FAM13A: variants seen among roughly 807,000 people sequenced by gnomAD.
The protein encoded by FAM13A is protein FAM13A.
A neutral mutation model predicts 129.6 loss-of-function variants in FAM13A; 76 were observed. That is an observed-to-expected ratio of 0.59 (90% CI 0.49 to 0.71). The LOEUF is 0.71. FAM13A is among the 30% of genes least tolerant of loss of function. The pLI is 0.00. For missense variants in FAM13A, 1,108 were observed against 1,249.3 expected, an observed-to-expected ratio of 0.89 and a Z score of 1.70; for synonymous variants, 443 against 449.9, an observed-to-expected ratio of 0.98 and a Z score of 0.20.
chr4:88,888,936 CAAA>C (rs896287129), intron 6 of FAM13A, among the ~76,000 whole-genome samples: 7 of 65,566 alleles, frequency 1.1e-4, no homozygotes, highest in Non-Finnish European at 9.0e-5. Context: ...ACTCCGTCTC[CAAA>C]AAAAAAAAAA....
intron 14 of FAM13A, among the ~76,000 whole-genome samples, chr4:88,752,689 T>C (rs1357506348): frequency 3.3e-5 from 5 of 151,952 alleles, no homozygotes; most frequent in Non-Finnish European, 5.9e-5. Context: ...CACAAGCAGC[T>C]CAAAACGCCA....
intron 8 of FAM13A, among the ~76,000 whole-genome samples, chr4:88,791,786 T>C (rs1200745634): frequency 6.6e-6 from 1 of 152,102 alleles, no homozygotes; most frequent in Non-Finnish European, 1.5e-5. Flanking sequence ...TTTTCTCCCA[T>C]GTAAGTGTAT....
intron 22 of FAM13A, 179 bp from the exon 23 acceptor site, chr4:88,731,607 T>C (rs548194015): frequency 9.7e-5 from 54 of 557,302 alleles, no homozygotes; most frequent in Admixed American, 3.1e-4. Context: ...CCAAACATGC[T>C]GGCAACAGAT....
intron 4 of FAM13A, among the ~76,000 whole-genome samples, chr4:88,969,567 ATATC>A (rs1224640252): frequency 2.6e-5 from 4 of 152,224 alleles, no homozygotes; most frequent in African/African-American, 9.6e-5. Context: ...CCAAAACCAC[ATATC>A]TATTCTATTT....
At chr4:88,731,926 G>T in intron 22 of FAM13A, 76 bp downstream of exon 22, 1 of 1,127,224 alleles carries the variant, frequency 8.9e-7, no homozygotes, top group Middle Eastern at 2.1e-4. Flanking sequence ...AATTTATTTA[G>T]ATACAAAGGC....
chr4:88,945,769 T>C (rs1755569925), intron 4 of FAM13A, among the ~76,000 whole-genome samples: 2 of 144,626 alleles, frequency 1.4e-5, no homozygotes, highest in Admixed American at 7.1e-5. Flanking sequence ...TATATATATA[T>C]ATACTATGTG....
rs149642255 is a variant in FAM13A at position 88,806,111 on chromosome 4, T to C, written c.1008-1059A>G. Among the ~76,000 whole-genome samples, 208 of 152,296 alleles carry C rather than the reference T, an allele frequency of 1.4e-3. 1 individual carries two copies. The highest frequency in any genetic ancestry group is 6.8e-3 in the Middle Eastern group (2 of 294). On this transcript the variant is annotated intron_variant, in intron 7 of 23. Transcript: ENST00000264344. ...GTCCACTGGAGTGATCTCTGAACTT[T>C]TAAAATTATGCACTCATAAAACTTG...
intron 2 of FAM13A, among the ~76,000 whole-genome samples, chr4:89,021,287 G>GAGGGGC (rs1170499459): frequency 6.6e-6 from 1 of 152,204 alleles, no homozygotes; most frequent in African/African-American, 2.4e-5. Context: ...AAGCAACACA[G>GAGGGGC]AGGGGCTGGA....
At chr4:88,773,783 G>C (rs1383211493) in intron 11 of FAM13A, among the ~76,000 whole-genome samples, 3 of 151,966 alleles carry the variant, frequency 2.0e-5, no homozygotes, top group African/African-American at 7.3e-5. Context: ...CTGCCTACTT[G>C]AATTCTTTAC....
chr4:88,749,678 C>G, intron 16 of FAM13A, 93 bp downstream of exon 16: 1 of 1,350,818 alleles, frequency 7.4e-7, no homozygotes, highest in Admixed American at 1.9e-5. Context: ...CTAGAAGCCT[C>G]CCTTAACCTT....
intron 1 of FAM13A, among the ~76,000 whole-genome samples, chr4:89,039,453 A>C (rs945249980): frequency 6.6e-6 from 1 of 152,248 alleles, no homozygotes; most frequent in African/African-American, 2.4e-5. Flanking sequence ...ATATTGGCTC[A>C]TCAATTACAA....
chr4:88,907,284 A>G (rs146569698), intron 5 of FAM13A, among the ~76,000 whole-genome samples: 58 of 152,282 alleles, frequency 3.8e-4, no homozygotes, highest in South Asian at 2.7e-3. Context: ...AGTCAGTCAG[A>G]TTTTTTTCAC....
intron 18 of FAM13A, 70 bp downstream of exon 18, chr4:88,747,561 G>T: frequency 8.0e-7 from 1 of 1,248,300 alleles, no homozygotes; most frequent in Non-Finnish European, 1.2e-6. Flanking sequence ...GGATTCACGT[G>T]GCATGCCCTG....
Position 88,731,869 on chromosome 4 carries a change from C to T in FAM13A, c.2843+133G>A, listed in dbSNP as rs549263814. 1.2e-4 allele frequency: 83 copies of T among 710,232 alleles called. No individual in the cohort carries two copies. The East Asian group carries it at 2.0e-3, about 17-fold the overall frequency. 44.0% of individuals were successfully genotyped at this position (710,232 alleles called of 1,614,324 possible). A position where few individuals can be genotyped will look rare whatever the true frequency, so the allele number is the denominator to read the frequency against. On this transcript the variant is annotated intron_variant, in intron 22 of 23. Transcript: ENST00000264344. ...AAAAAGAAATTTTTTAAAAAATCAC[C>T]GTTTTATCCAGATACACCCCAGGTA...
intron 6 of FAM13A, among the ~76,000 whole-genome samples, chr4:88,868,882 C>T (rs1199751394): frequency 1.3e-5 from 2 of 152,170 alleles, no homozygotes; most frequent in Admixed American, 6.5e-5. Context: ...CATTTATGCA[C>T]CAAATTCCAT....
intron 2 of FAM13A, among the ~76,000 whole-genome samples, 192 bp from the exon 3 acceptor site, chr4:89,020,861 A>G (rs547353179): frequency 1.3e-5 from 2 of 152,332 alleles, no homozygotes; most frequent in African/African-American, 4.8e-5. Context: ...ACTGCATGTC[A>G]GCTTAAAAGA....
intron 6 of FAM13A, among the ~76,000 whole-genome samples, chr4:88,869,243 T>C (rs990702306): frequency 1.3e-5 from 2 of 152,260 alleles, no homozygotes; most frequent in African/African-American, 4.8e-5. Flanking sequence ...ATATTCACCA[T>C]ACAGAAGCCA....
intron 14 of FAM13A, among the ~76,000 whole-genome samples, chr4:88,751,341 AGG>A (rs1742575408): frequency 6.6e-6 from 1 of 152,220 alleles, no homozygotes; most frequent in Non-Finnish European, 1.5e-5. Flanking sequence ...CAAACAACCG[AGG>A]AGTCAAGCTA....
At chr4:88,959,633 A>C (rs1335312014) in intron 4 of FAM13A, among the ~76,000 whole-genome samples, 1 of 152,190 alleles carries the variant, frequency 6.6e-6, no homozygotes, top group Non-Finnish European at 1.5e-5. Flanking sequence ...GAGCCAATTA[A>C]ACCTATTTCC....
Sources: allele counts gnomAD v4.1 joint callset (sites outside exome capture counted in the v4.1 genomes callset), GRCh38; gene constraint gnomAD v4.1.1; transcripts MANE v1.5; gene names NCBI Gene and HGNC (gene_info 2026-07-23, HGNC 2026-07-21).